GABRA3: variants seen among roughly 807,000 people sequenced by gnomAD.
GABRA3 encodes gamma-aminobutyric acid type A receptor subunit alpha3, also known as gamma-aminobutyric acid receptor subunit alpha-3.
In GABRA3, 10 loss-of-function variants were observed where a neutral mutation model predicts 30.1. The observed-to-expected ratio is 0.33, with a 90% CI of 0.20 to 0.56. The LOEUF is 0.56. Ranked by LOEUF, GABRA3 falls within the 20% of genes least tolerant of loss-of-function variation. GABRA3 has a pLI of 0.89. For missense variants in GABRA3, 233 were observed against 392.0 expected (o/e 0.59, Z 3.42); for synonymous variants, 151 against 146.8 (o/e 1.03, Z -0.21).
intron 3 of GABRA3, among the ~76,000 whole-genome samples, chrX:152,334,498 A>T (rs1940205348): frequency 8.9e-6 from 1 of 111,968 alleles, no homozygotes; most frequent in Admixed American, 9.5e-5. Flanking sequence ...TTCACTTCTG[A>T]TATGAAAACA....
chrX:152,374,823 T>G (rs2124503219), intron 1 of GABRA3, among the ~76,000 whole-genome samples: 1 of 111,801 alleles, frequency 8.9e-6, no homozygotes, highest in Non-Finnish European at 1.9e-5. Flanking sequence ...GTATAAGGTA[T>G]AAGGAAGGGG....
chrX:152,189,910 C>T lies in GABRA3; in HGVS notation c.963G>A (p.Leu321=), dbSNP rs1419349838. 2 of 1,209,547 alleles carry T rather than the reference C, an allele frequency of 1.7e-6. No individual in the cohort carries two copies. The highest frequency in any genetic ancestry group is 4.4e-5 in the Admixed American group (2 of 45,882). ...GTAAGGAATTTCTGGCACTGATACTCAAGGTGGTCATGGTAAGCACAGTGG... is the reference window on the plus strand; with the variant it reads ...GTAAGGAATTTCTGGCACTGATACTTAAGGTGGTCATGGTAAGCACAGTGG... ...GVTTVLTMTT[L]SISARNSLPK... The change falls in exon 9 of 10, where the codon TTG becomes TTA. Residue 321 remains leucine (L), a synonymous_variant. Coordinates refer to ENST00000370314, the MANE Select transcript of GABRA3 (RefSeq NM_000808.4).
At chrX:152,335,643 A>C (rs1460561895) in intron 3 of GABRA3, among the ~76,000 whole-genome samples, 2 of 112,204 alleles carry the variant, frequency 1.8e-5, no homozygotes, top group African/African-American at 3.2e-5. Flanking sequence ...ATTTAAGTGT[A>C]CAAGTGCAGT....
In GABRA3 at chrX:152,171,909, A is replaced by C. The variant is rs550645466; in HGVS notation, c.1144-3346T>G. ...TATAGAGAAATGCATGTCCCACTCAAGAGTCTTCCTCCGATGATACTCCTG... is the reference window on the plus strand; with the variant it reads ...TATAGAGAAATGCATGTCCCACTCACGAGTCTTCCTCCGATGATACTCCTG... On this transcript the variant is annotated intron_variant, in intron 9 of 9. Transcript: ENST00000370314. Among the ~76,000 whole-genome samples, 150 of 111,825 alleles carry C rather than the reference A, an allele frequency of 1.3e-3. 4 individuals are homozygous for C. The South Asian group carries it at 0.054, about 40-fold the overall frequency.
intron 1 of GABRA3, among the ~76,000 whole-genome samples, chrX:152,419,558 A>G (rs2124536978): frequency 9.0e-6 from 1 of 111,226 alleles, no homozygotes; most frequent in Admixed American, 9.6e-5. Context: ...AACTGACAAA[A>G]GAAGGTAATA....
At chrX:152,260,532 G>C (rs1319461333) in intron 4 of GABRA3, among the ~76,000 whole-genome samples, 1 of 111,731 alleles carries the variant, frequency 9.0e-6, no homozygotes, top group Non-Finnish European at 1.9e-5. Context: ...AGGTGGCTTA[G>C]AACATAGGGA....
At chrX:152,218,020 G>T (rs753471366) in intron 6 of GABRA3, among the ~76,000 whole-genome samples, 2 of 105,238 alleles carry the variant, frequency 1.9e-5, no homozygotes, top group Non-Finnish European at 3.9e-5. Context: ...ATTTAGTTTG[G>T]TCTTCTTTTT....
At chrX:152,281,101 T>G (rs758796357) in intron 4 of GABRA3, among the ~76,000 whole-genome samples, 1 of 110,993 alleles carries the variant, frequency 9.0e-6, no homozygotes, top group African/African-American at 3.3e-5. Flanking sequence ...TTGGACCAGA[T>G]AGAAGAGCAG....
intron 1 of GABRA3, among the ~76,000 whole-genome samples, chrX:152,366,153 A>G (rs1318928151): frequency 3.6e-5 from 4 of 111,738 alleles, no homozygotes; most frequent in Non-Finnish European, 7.5e-5. Flanking sequence ...CTTCCATGGT[A>G]AGGGCAGTAA....
At chrX:152,382,653 G>T (rs1471746020) in intron 1 of GABRA3, among the ~76,000 whole-genome samples, 1 of 111,621 alleles carries the variant, frequency 9.0e-6, no homozygotes, top group East Asian at 2.8e-4. Context: ...ATAGTTGTAG[G>T]TCTTATGTTT....
chrX:152,288,269 T>C (rs1939333340), intron 3 of GABRA3, among the ~76,000 whole-genome samples: 1 of 111,842 alleles, frequency 8.9e-6, no homozygotes, highest in Non-Finnish European at 1.9e-5. Context: ...TCGGGCTGTC[T>C]TGGGGCAAGG....
At chrX:152,244,972 A>G (rs1032253351) in intron 5 of GABRA3, among the ~76,000 whole-genome samples, 3 of 111,729 alleles carry the variant, frequency 2.7e-5, no homozygotes, top group Non-Finnish European at 5.6e-5. Context: ...AAAATAGGAG[A>G]AAACCATAAA....
At chrX:152,282,135 T>C (rs1197686441) in intron 4 of GABRA3, among the ~76,000 whole-genome samples, 1 of 111,960 alleles carries the variant, frequency 8.9e-6, no homozygotes, top group Non-Finnish European at 1.9e-5. Context: ...TGGGTGGTGG[T>C]GTGTCAATGT....
chrX:152,378,788 C>T (rs1481267072), intron 1 of GABRA3, among the ~76,000 whole-genome samples: 1 of 110,332 alleles, frequency 9.1e-6, no homozygotes, highest in Non-Finnish European at 1.9e-5. Flanking sequence ...ATATCTAACA[C>T]ATAAGAAAAC....
chrX:152,310,695 A>C (rs1212067062), intron 3 of GABRA3, among the ~76,000 whole-genome samples: 1 of 111,591 alleles, frequency 9.0e-6, no homozygotes, highest in East Asian at 2.8e-4. Flanking sequence ...CAGAAGAAAA[A>C]AACAATAACC....
At chrX:152,369,483 C>T (rs1406724731) in intron 1 of GABRA3, among the ~76,000 whole-genome samples, 1 of 111,657 alleles carries the variant, frequency 9.0e-6, no homozygotes, top group Non-Finnish European at 1.9e-5. Context: ...CCACTGTGGC[C>T]TCCTTCGCTG....
At chrX:152,401,966 C>T (rs1197352876) in intron 1 of GABRA3, among the ~76,000 whole-genome samples, 1 of 111,739 alleles carries the variant, frequency 8.9e-6, no homozygotes, top group African/African-American at 3.3e-5. Flanking sequence ...AGCCATTAAT[C>T]CTCTCTGCTT....
intron 3 of GABRA3, among the ~76,000 whole-genome samples, chrX:152,290,273 G>A (rs978868418): frequency 8.9e-6 from 1 of 112,179 alleles, no homozygotes; most frequent in Non-Finnish European, 1.9e-5. Flanking sequence ...GTGATGATGA[G>A]CATTTTTTCA....
chrX:152,208,669 G>C (rs930102128), intron 6 of GABRA3, among the ~76,000 whole-genome samples: 6 of 111,330 alleles, frequency 5.4e-5, no homozygotes, highest in African/African-American at 1.6e-4. Flanking sequence ...CTCCAGTAAT[G>C]AGTGAATTCT....
Sources: gnomAD v4.1 joint callset for allele counts (sites outside exome capture counted in the v4.1 genomes callset) on GRCh38, gnomAD v4.1.1 for gene constraint, MANE v1.5 for transcripts, NCBI Gene and HGNC (gene_info 2026-07-23, HGNC 2026-07-21) for gene names.